The following ADAMTSL1 variants were observed in gnomAD, a reference collection of about 807,000 sequenced individuals.
ADAMTSL1 encodes the protein ADAMTS-like protein 1.
A neutral mutation model predicts 201.8 loss-of-function variants in ADAMTSL1; 126 were observed. The ratio of observed to expected loss-of-function variants is 0.62; its 90% confidence interval spans 0.54 to 0.72. The LOEUF is 0.72. Ranked by LOEUF, ADAMTSL1 falls within the 30% of genes least tolerant of loss-of-function variation. The pLI, the probability that ADAMTSL1 is intolerant of heterozygous loss-of-function variation, is 0.00. For missense variants in ADAMTSL1, 2,679 were observed against 2,277.8 expected, an observed-to-expected ratio of 1.18 and a Z score of -3.59; for synonymous variants, 1,121 against 903.4, an observed-to-expected ratio of 1.24 and a Z score of -4.32.
At position 18,711,492 on chromosome 9, in the gene ADAMTSL1, A is replaced by T. The variant is rs545331195; in HGVS notation, c.1876+4444A>T. On this transcript the variant is annotated intron_variant, in intron 14 of 28. Transcript: ENST00000380548. Reference sequence around the variant, plus strand: ...GTCAAAGAAAGGGGTGACAGACGGCACCTGGAAAATCGGGTCACTCCCACC... The same window carrying T: ...GTCAAAGAAAGGGGTGACAGACGGCTCCTGGAAAATCGGGTCACTCCCACC... Among the ~76,000 whole-genome samples the T allele has an allele frequency of 2.0e-5, 3 of 152,366 alleles. No individual in the cohort carries two copies. In the South Asian group the frequency reaches 6.2e-4, roughly 32 times the overall value.
At chr9:18,841,171 G>T (rs1294610463) in intron 23 of ADAMTSL1, among the ~76,000 whole-genome samples, 1 of 151,320 alleles carries the variant, frequency 6.6e-6, no homozygotes, top group Non-Finnish European at 1.5e-5. Flanking sequence ...TTGGCTGTGG[G>T]TTTGTCATAG....
intron 2 of ADAMTSL1, among the ~76,000 whole-genome samples, chr9:18,382,448 C>G (rs939567974): frequency 6.6e-6 from 1 of 152,028 alleles, no homozygotes; most frequent in Non-Finnish European, 1.5e-5. Flanking sequence ...CTAAATATAG[C>G]CACTTTTCCT....
chr9:18,308,818 C>T (rs1834006783), intron 2 of ADAMTSL1, among the ~76,000 whole-genome samples: 1 of 152,148 alleles, frequency 6.6e-6, no homozygotes, highest in African/African-American at 2.4e-5. Context: ...AACAGTGAAT[C>T]CTCCCTAACT....
chr9:18,868,627 G>T lies in ADAMTSL1; in HGVS notation c.4250-19204G>T, dbSNP rs113895879. On this transcript the variant is annotated intron_variant, in intron 23 of 28. Coordinates refer to ENST00000380548, the MANE Select transcript of ADAMTSL1 (RefSeq NM_001040272.6). The stretch of plus-strand genomic sequence containing the variant: ...GGCCTTCCAGCCCTATTTGAAGTTT[G>T]GAAAATATAAAGCTCACAGCTTCCT... Among the ~76,000 whole-genome samples, 882 of 152,254 alleles carry T rather than the reference G, an allele frequency of 5.8e-3. 5 individuals are homozygous for T. The highest frequency in any genetic ancestry group is 9.8e-3 in the Non-Finnish European group (667 of 68,024).
chr9:18,537,171 C>T (rs1386530431), intron 3 of ADAMTSL1, among the ~76,000 whole-genome samples: 4 of 152,100 alleles, frequency 2.6e-5, no homozygotes, highest in African/African-American at 7.2e-5. Flanking sequence ...TTCTCCTGAA[C>T]CTTTCATTCT....
At chr9:18,771,989 T>A (rs2133725055) in intron 17 of ADAMTSL1, among the ~76,000 whole-genome samples, 1 of 152,334 alleles carries the variant, frequency 6.6e-6, no homozygotes, top group Non-Finnish European at 1.5e-5. Context: ...TCTTGTGGTA[T>A]CTCATGCCAA....
chr9:18,358,998 G>T (rs911082789), intron 2 of ADAMTSL1, among the ~76,000 whole-genome samples: 1 of 152,112 alleles, frequency 6.6e-6, no homozygotes, highest in Non-Finnish European at 1.5e-5. Flanking sequence ...TTAAATTTCA[G>T]TGACTTCAAA....
At chr9:18,483,223 A>T (rs918173018) in intron 1 of ADAMTSL1, among the ~76,000 whole-genome samples, 5 of 152,236 alleles carry the variant, frequency 3.3e-5, no homozygotes, top group African/African-American at 1.2e-4. Flanking sequence ...TAAATTAATT[A>T]GTTGCCTATT....
At chr9:17,935,340 C>T (rs1826962010) in intron 1 of ADAMTSL1, among the ~76,000 whole-genome samples, 1 of 152,156 alleles carries the variant, frequency 6.6e-6, no homozygotes, top group Admixed American at 6.5e-5. Context: ...TTTTTTTCCA[C>T]ACCTACTCCT....
intron 2 of ADAMTSL1, among the ~76,000 whole-genome samples, chr9:18,277,219 C>A (rs1175155551): frequency 6.6e-6 from 1 of 152,128 alleles, no homozygotes; most frequent in African/African-American, 2.4e-5. Context: ...TATTCTGCTG[C>A]TGTTGGATGC....
At chr9:18,496,354 A>C (rs1277579811) in intron 1 of ADAMTSL1, among the ~76,000 whole-genome samples, 4 of 152,250 alleles carry the variant, frequency 2.6e-5, no homozygotes, top group Non-Finnish European at 5.9e-5. Flanking sequence ...AGAATGTTTT[A>C]AATTTCAATC....
intron 4 of ADAMTSL1, among the ~76,000 whole-genome samples, chr9:18,605,511 G>A (rs1170293997): frequency 6.6e-6 from 1 of 152,192 alleles, no homozygotes; most frequent in Non-Finnish European, 1.5e-5. Flanking sequence ...TAAGGCAAGA[G>A]CATGTTTGTA....
chr9:18,379,734 C>T (rs77826369), intron 2 of ADAMTSL1, among the ~76,000 whole-genome samples: 1 of 151,866 alleles, frequency 6.6e-6, no homozygotes, highest in Admixed American at 6.6e-5. Flanking sequence ...AAAATGATGA[C>T]TATGAGATGA....
intron 2 of ADAMTSL1, among the ~76,000 whole-genome samples, chr9:18,177,756 A>G (rs1224500950): frequency 2.0e-5 from 3 of 152,140 alleles, no homozygotes; most frequent in Non-Finnish European, 2.9e-5. Flanking sequence ...TTCTTTTTAT[A>G]TCTCACTGGC....
chr9:18,781,464 G>T (rs564353194), intron 19 of ADAMTSL1, among the ~76,000 whole-genome samples: 2 of 152,084 alleles, frequency 1.3e-5, no homozygotes, highest in Non-Finnish European at 2.9e-5. Context: ...TAAGAAATAC[G>T]GCTGGAGCTT....
At chr9:17,974,989 C>T (rs1715881865) in intron 1 of ADAMTSL1, among the ~76,000 whole-genome samples, 1 of 152,034 alleles carries the variant, frequency 6.6e-6, no homozygotes, top group Admixed American at 6.6e-5. Flanking sequence ...ACAAACACTG[C>T]ACAAAGTTTC....
intron 2 of ADAMTSL1, among the ~76,000 whole-genome samples, chr9:18,277,211 T>A (rs1832620026): frequency 6.6e-6 from 1 of 152,224 alleles, no homozygotes; most frequent in Non-Finnish European, 1.5e-5. Flanking sequence ...ATAATATGTA[T>A]TCTGCTGCTG....
intron 1 of ADAMTSL1, among the ~76,000 whole-genome samples, chr9:18,046,547 G>C (rs908842706): frequency 1.3e-5 from 2 of 152,118 alleles, no homozygotes; most frequent in African/African-American, 4.8e-5. Flanking sequence ...TCTTTCATTT[G>C]GTGACCATGT....
At chr9:18,530,496 A>G (rs1475936540) in intron 2 of ADAMTSL1, among the ~76,000 whole-genome samples, 1 of 152,124 alleles carries the variant, frequency 6.6e-6, no homozygotes, top group Non-Finnish European at 1.5e-5. Context: ...CAAAATTAGT[A>G]GGTATTTCAC....
Sources: gnomAD v4.1 joint callset for allele counts (sites outside exome capture counted in the v4.1 genomes callset) on GRCh38, gnomAD v4.1.1 for gene constraint, MANE v1.5 for transcripts, NCBI Gene and HGNC (gene_info 2026-07-23, HGNC 2026-07-21) for gene names.